The following EMC1 variants were observed in gnomAD, a reference collection of about 807,000 sequenced individuals.
EMC1 encodes ER membrane protein complex subunit 1, also known as KIAA0090.
A neutral mutation model predicts 128.8 loss-of-function variants in EMC1; 103 were observed. The observed-to-expected ratio is 0.80, with a 90% CI of 0.68 to 0.94. The LOEUF is 0.94. Ranked by LOEUF, EMC1 falls within the 40% of genes least tolerant of loss-of-function variation. The probability of loss-of-function intolerance (pLI) is 0.00; values close to 1 mark genes in which losing one functional copy is unlikely to be tolerated. For missense variants in EMC1, 1,083 were observed against 1,250.6 expected, an observed-to-expected ratio of 0.87 and a Z score of 2.02; for synonymous variants, 442 against 490.4, an observed-to-expected ratio of 0.90 and a Z score of 1.30.
Position 19,243,647 on chromosome 1 carries a change from C to G in EMC1, c.347G>C (p.Gly116Ala). 2 of 1,614,132 alleles carry G rather than the reference C, an allele frequency of 1.2e-6. No homozygotes were observed. The highest frequency in any genetic ancestry group is 1.7e-6 in the Non-Finnish European group (2 of 1,179,998). ...IMRSWETNIG[G>A]LNWEITLDSG... is the part of the protein sequence containing the mutation. ...GTCCAGGGTTATCTCCCAGTTCAGG[C>G]CCCCGATGTTAGTCTCCCAGGAACG... Residue 116 changes from glycine to alanine, a missense_variant, in exon 4 of 23, where the codon GGC becomes GCC. This residue lies in a region of EMC1 where 544 missense variants were observed against 572.4 expected (regional missense o/e 0.95). Coordinates refer to ENST00000477853, the MANE Select transcript of EMC1 (RefSeq NM_015047.3).
chr1:19,239,679 C>G (rs549663222), intron 8 of EMC1, 139 bp downstream of exon 8: 1 of 834,834 alleles, frequency 1.2e-6, no homozygotes. Flanking sequence ...TACCTACCCC[C>G]TCTCAAACCA....
chr1:19,240,048 C>A, intron 7 of EMC1, 63 bp from the exon 8 acceptor site: 2 of 1,498,252 alleles, frequency 1.3e-6, no homozygotes, highest in Admixed American at 2.0e-5. Context: ...CCATCCCAGG[C>A]TCACAACCTC....
At chr1:19,250,258 G>C (rs1293904451) in intron 1 of EMC1, among the ~76,000 whole-genome samples, 1 of 121,298 alleles carries the variant, frequency 8.2e-6, no homozygotes, top group Non-Finnish European at 1.7e-5. Flanking sequence ...GTCTTAAACA[G>C]AGTCCTTTTC....
At chr1:19,250,092 C>T (rs1392405284) in intron 1 of EMC1, among the ~76,000 whole-genome samples, 6 of 151,804 alleles carry the variant, frequency 4.0e-5, no homozygotes, top group Non-Finnish European at 7.4e-5. Context: ...GTGGCGCATG[C>T]CTGTAATCCC....
intron 20 of EMC1, among the ~76,000 whole-genome samples, chr1:19,222,400 G>C (rs1178841198): frequency 1.3e-5 from 2 of 152,114 alleles, no homozygotes; most frequent in East Asian, 3.9e-4. Context: ...GTGAGACCCT[G>C]TCTCGAAAAA....
At chr1:19,239,704 T>C (rs898014631) in intron 8 of EMC1, 114 bp downstream of exon 8, 4 of 1,046,228 alleles carry the variant, frequency 3.8e-6, no homozygotes, top group Non-Finnish European at 5.7e-6. Flanking sequence ...CGGGAAGGTG[T>C]CATCAATCTT....
At chr1:19,237,659 A>C (rs1558106137) in intron 11 of EMC1, among the ~76,000 whole-genome samples, 1 of 152,180 alleles carries the variant, frequency 6.6e-6, no homozygotes, top group Non-Finnish European at 1.5e-5. Flanking sequence ...CCTGAATCTG[A>C]ACCGCAGTGA....
intron 6 of EMC1, 148 bp downstream of exon 6, chr1:19,240,868 G>T: frequency 1.1e-6 from 1 of 895,332 alleles, no homozygotes; most frequent in Non-Finnish European, 1.7e-6. Flanking sequence ...GAGGCCTAAT[G>T]GGAAGGCAGC....
chr1:19,235,529 C>T (rs1213960628), intron 12 of EMC1, among the ~76,000 whole-genome samples: 1 of 151,988 alleles, frequency 6.6e-6, no homozygotes, highest in African/African-American at 2.4e-5. Flanking sequence ...GGTGAAACCC[C>T]TCTCTACTAA....
Position 19,231,422 on chromosome 1 carries a change from C to A in EMC1, c.1783G>T (p.Glu595Ter). The change falls in exon 16 of 23, where the codon GAG becomes TAG. Residue 595 changes from glutamate to a stop codon, truncating the protein, a stop_gained and splice_region_variant. Coordinates refer to ENST00000477853, the MANE Select transcript of EMC1 (RefSeq NM_015047.3). LOFTEE classifies it high-confidence loss of function. ...ACATACAGAGAACTCATTCCCGACT[C>A]CTAAAATGAGCAAACTGTCAGGCTC... ...PQCTLLVKDK[E>*]SGMSSLYVFN... 1 of 1,610,962 alleles carries A rather than the reference C, an allele frequency of 6.2e-7. No individual in the cohort carries two copies. Among genetic ancestry groups the A allele is most frequent in the South Asian group, 1.1e-5 (1 of 90,542 alleles).
intron 15 of EMC1, among the ~76,000 whole-genome samples, chr1:19,231,796 T>C (rs923504273): frequency 1.3e-5 from 2 of 152,122 alleles, no homozygotes; most frequent in African/African-American, 4.8e-5. Flanking sequence ...AATTCTGTTT[T>C]TATTTTTTGT....
At chr1:19,240,214 A>C in intron 7 of EMC1, 83 bp downstream of exon 7, 1 of 1,551,982 alleles carries the variant, frequency 6.4e-7, no homozygotes, top group South Asian at 1.2e-5. Context: ...TCTAGGAGAA[A>C]GACCCTCCAG....
intron 1 of EMC1, among the ~76,000 whole-genome samples, chr1:19,251,206 A>G (rs562644407): frequency 1.3e-5 from 2 of 152,344 alleles, no homozygotes; most frequent in African/African-American, 4.8e-5. Context: ...GGATCAGCTT[A>G]GAATGACCCC....
rs2093553521 is a variant in EMC1, at chr1:19,235,185, G to A, written c.1377C>T (p.Asp459=). 1.9e-6 allele frequency: 3 copies of A among 1,613,868 alleles called. No homozygotes were observed. In the African/African-American group the frequency reaches 4.0e-5, roughly 22 times the overall value. ...LAEVVCLEMV[D]LPLTGAQAEL... is the part of the protein sequence containing the mutation. The stretch of plus-strand genomic sequence containing the variant: ...CGGCCTGTGCCCCAGTCAGGGGGAG[G>A]TCCACCATCTCTAGGCACACCACTT... Residue 459 remains aspartate (D), a synonymous_variant, in exon 13 of 23, where the codon GAC becomes GAT. Coordinates refer to ENST00000477853, the MANE Select transcript of EMC1 (RefSeq NM_015047.3).
chr1:19,221,428 G>A (rs1363625361), intron 20 of EMC1: 1 of 152,270 alleles, frequency 6.6e-6, no homozygotes, highest in African/African-American at 2.4e-5. Flanking sequence ...ACAAGGTCAG[G>A]AGATTGAGAC....
rs760325675 is a variant in EMC1 at position 19,222,693 on chromosome 1, A to G, written c.2518T>C (p.Phe840Leu). Residue 840 changes from phenylalanine (F) to leucine (L), a missense_variant, in exon 20 of 23, where the codon TTC becomes CTC. Phe to Leu is a conservative substitution (Grantham distance 22). Transcript: ENST00000477853. ...TCCATGGCACTGATGGAGGACGGGAAGATATAGGACTGCTGGAGGACCTGG... is the reference window on the plus strand; with the variant it reads ...TCCATGGCACTGATGGAGGACGGGAGGATATAGGACTGCTGGAGGACCTGG... ...LPQVLQQSYIFPSSISAMEAT... is the reference protein window; with the variant it reads ...LPQVLQQSYILPSSISAMEAT... 1 of 1,614,118 alleles carries G rather than the reference A, an allele frequency of 6.2e-7. No homozygotes were observed. The highest frequency in any genetic ancestry group is 8.5e-7 in the Non-Finnish European group (1 of 1,180,014).
intron 15 of EMC1, among the ~76,000 whole-genome samples, chr1:19,232,077 C>T (rs1333277603): frequency 6.6e-6 from 1 of 152,130 alleles, no homozygotes; most frequent in Non-Finnish European, 1.5e-5. Flanking sequence ...GCCTGGCCAA[C>T]ATGGTGAGAC....
At chr1:19,237,260 G>C (rs16862631) in intron 11 of EMC1, 22 bp from the exon 12 acceptor site, 3 of 1,575,700 alleles carry the variant, frequency 1.9e-6, no homozygotes, top group Non-Finnish European at 2.6e-6. Context: ...AGTCAAGACC[G>C]GTGTAGTCAG....
At chr1:19,220,059 C>T (rs998142217) in intron 21 of EMC1, 3 of 225,324 alleles carry the variant, frequency 1.3e-5, no homozygotes, top group African/African-American at 4.5e-5. Flanking sequence ...TCTCAGTCCC[C>T]ATTTCTCTGA....
Sources: gnomAD v4.1 joint callset for allele counts (sites outside exome capture counted in the v4.1 genomes callset) on GRCh38, gnomAD v4.1.1 for gene constraint, gnomAD v4.1.1 regional missense constraint, MANE v1.5 for transcripts, NCBI Gene and HGNC (gene_info 2026-07-23, HGNC 2026-07-21) for gene names.